The following LRP6 variants were observed in gnomAD, a reference collection of about 807,000 sequenced individuals.
LRP6 encodes the protein LDL receptor related protein 6.
In LRP6, 43 loss-of-function variants were observed where a neutral mutation model predicts 184.1. The observed-to-expected ratio is 0.23, with a 90% CI of 0.18 to 0.30. The LOEUF is 0.30. Ranked by LOEUF, LRP6 falls within the 10% of genes least tolerant of loss-of-function variation. The pLI, the probability that LRP6 is intolerant of heterozygous loss-of-function variation, is 1.00. For missense variants in LRP6, 1,571 were observed against 2,005.3 expected (o/e 0.78, Z 4.14); for synonymous variants, 719 against 684.9 (o/e 1.05, Z -0.78).
chr12:12,203,991 TAACAA>T (rs1863982364), intron 2 of LRP6, among the ~76,000 whole-genome samples: 2 of 152,252 alleles, frequency 1.3e-5, no homozygotes, highest in African/African-American at 4.8e-5. Flanking sequence ...GATTACTTAT[TAACAA>T]CAAAGAAGAA....
At chr12:12,234,883 A>C (rs558826609) in intron 2 of LRP6, among the ~76,000 whole-genome samples, 38 of 152,228 alleles carry the variant, frequency 2.5e-4, no homozygotes, top group Non-Finnish European at 3.1e-4. Context: ...ATAAAAGAAA[A>C]AAAAAGAATA....
At chr12:12,185,014 G>T (rs987269596) in intron 4 of LRP6, among the ~76,000 whole-genome samples, 1 of 152,212 alleles carries the variant, frequency 6.6e-6, no homozygotes, top group Non-Finnish European at 1.5e-5. Flanking sequence ...AAAACAAGAG[G>T]CCAGGCACGG....
chr12:12,240,660 T>C (rs992225067), intron 2 of LRP6, among the ~76,000 whole-genome samples: 4 of 152,160 alleles, frequency 2.6e-5, no homozygotes, highest in Non-Finnish European at 5.9e-5. Flanking sequence ...TCACTTCAAA[T>C]TGAATCATTA....
At chr12:12,161,365 TCAAA>T (rs1382112950) in intron 10 of LRP6, among the ~76,000 whole-genome samples, 1 of 152,154 alleles carries the variant, frequency 6.6e-6, no homozygotes, top group Non-Finnish European at 1.5e-5. Flanking sequence ...CCTCCCAGAT[TCAAA>T]CAATTTTCCT....
At chr12:12,262,246 G>A (rs557116905) in intron 1 of LRP6, among the ~76,000 whole-genome samples, 1 of 152,312 alleles carries the variant, frequency 6.6e-6, no homozygotes, top group Non-Finnish European at 1.5e-5. Flanking sequence ...GGGCATGGTG[G>A]TGTGAGCCTG....
chr12:12,245,613 CAG>C (rs1865164270), intron 1 of LRP6, among the ~76,000 whole-genome samples: 1 of 152,084 alleles, frequency 6.6e-6, no homozygotes, highest in Non-Finnish European at 1.5e-5. Context: ...TACAGTTTGA[CAG>C]AAATAGTTCT....
intron 7 of LRP6, among the ~76,000 whole-genome samples, chr12:12,169,081 T>C (rs565694073): frequency 1.3e-5 from 2 of 151,884 alleles, no homozygotes; most frequent in Non-Finnish European, 2.9e-5. Context: ...ATAGAAAAAT[T>C]AGCCGGGAGT....
chr12:12,177,360 A>G (rs1242459927), intron 7 of LRP6, among the ~76,000 whole-genome samples: 1 of 152,186 alleles, frequency 6.6e-6, no homozygotes, highest in African/African-American at 2.4e-5. Flanking sequence ...AAAGGCTAGC[A>G]AATACACTTC....
intron 19 of LRP6, 38 bp from the exon 20 acceptor site, chr12:12,126,959 A>T (rs745726637): frequency 6.3e-5 from 95 of 1,501,824 alleles, no homozygotes; most frequent in Non-Finnish European, 8.7e-5. Context: ...TTAATAGAAA[A>T]ACAACTGTAT....
At chr12:12,219,987 GAATT>G (rs2135867962) in intron 2 of LRP6, among the ~76,000 whole-genome samples, 1 of 152,208 alleles carries the variant, frequency 6.6e-6, no homozygotes, top group East Asian at 1.9e-4. Context: ...ACTCCAGTTT[GAATT>G]AATTAATCCT....
At chr12:12,205,178 A>G (rs1397963285) in intron 2 of LRP6, among the ~76,000 whole-genome samples, 1 of 148,392 alleles carries the variant, frequency 6.7e-6, no homozygotes, top group Non-Finnish European at 1.5e-5. Context: ...AAACTACAAA[A>G]ATCAGTCAGG....
rs372285943 is a variant in LRP6 at position 12,266,742 on chromosome 12, T to G, written c.-7A>C. The G allele has an allele frequency of 4.4e-4, 712 of 1,611,998 alleles. 7 individuals carry two copies. In the Middle Eastern group the frequency reaches 0.013, roughly 29 times the overall value. ...TCCTCAGGACGGCCCCCATCTTCCC[T>G]TCTCGCGTTCTCTTCTCTCACCGGC... On this transcript the variant is annotated 5_prime_UTR_variant, in exon 1 of 23. Transcript: ENST00000261349.
intron 8 of LRP6, 29 bp downstream of exon 8, chr12:12,165,050 A>G (rs1862843485): frequency 6.4e-7 from 1 of 1,559,254 alleles, no homozygotes; most frequent in Non-Finnish European, 8.8e-7. Context: ...CCTGGTTCCC[A>G]TTTCTAAGAA....
intron 1 of LRP6, 125 bp downstream of exon 1, chr12:12,266,554 CGA>C: frequency 1.2e-6 from 1 of 833,124 alleles, no homozygotes. Context: ...CCCCTCCCCA[CGA>C]CCAGGCCTCT....
At chr12:12,238,142 T>G (rs1202937916) in intron 2 of LRP6, among the ~76,000 whole-genome samples, 1 of 151,914 alleles carries the variant, frequency 6.6e-6, no homozygotes, top group Non-Finnish European at 1.5e-5. Flanking sequence ...GTCACTGATA[T>G]TAAAACCTCA....
At chr12:12,178,027 T>C (rs1190592342) in intron 7 of LRP6, among the ~76,000 whole-genome samples, 1 of 150,684 alleles carries the variant, frequency 6.6e-6, no homozygotes, top group Admixed American at 6.6e-5. Flanking sequence ...TCTGTATGTA[T>C]ATATATATAT....
Position 12,248,257 on chromosome 12 carries a change from C to T in LRP6, c.56-3602G>A, listed in dbSNP as rs144386224. ...TCAATGGTTTACGCCAGGTTCCTTGCTATTGTTTTGTTTTAATAACCCTAA... is the reference window on the plus strand; with the variant it reads ...TCAATGGTTTACGCCAGGTTCCTTGTTATTGTTTTGTTTTAATAACCCTAA... On this transcript the variant is annotated intron_variant, in intron 1 of 22. Coordinates refer to ENST00000261349, the MANE Select transcript of LRP6 (RefSeq NM_002336.3). 2.6e-5 allele frequency among the ~76,000 whole-genome samples: 4 copies of T among 152,168 alleles called. 1 individual carries two copies. The highest frequency in any genetic ancestry group is 9.6e-5 in the African/African-American group (4 of 41,514).
chr12:12,248,881 T>A, intron 1 of LRP6: 1 of 312,774 alleles, frequency 3.2e-6, no homozygotes, highest in Non-Finnish European at 5.9e-6. Context: ...TATTTTTTCT[T>A]GTCTTGTTTC....
At chr12:12,264,601 G>GA (rs935781180) in intron 1 of LRP6, among the ~76,000 whole-genome samples, 6 of 152,192 alleles carry the variant, frequency 3.9e-5, no homozygotes, top group East Asian at 1.9e-4. Flanking sequence ...CTTTGTGGGG[G>GA]AAAAAAATGA....
Sources: allele counts gnomAD v4.1 joint callset (sites outside exome capture counted in the v4.1 genomes callset), GRCh38; gene constraint gnomAD v4.1.1; transcripts MANE v1.5; gene names NCBI Gene and HGNC (gene_info 2026-07-23, HGNC 2026-07-21).